The following CHAF1B variants were observed in gnomAD, a reference collection of about 807,000 sequenced individuals.
The protein encoded by CHAF1B is CAF-1 subunit B.
In CHAF1B, 10 loss-of-function variants were observed where a neutral mutation model predicts 60.7. The ratio of observed to expected loss-of-function variants is 0.16; its 90% confidence interval spans 0.10 to 0.28. The LOEUF (loss-of-function observed/expected upper bound fraction) is 0.28, where lower values mean the gene tolerates loss of function less well. CHAF1B is among the 10% of genes least tolerant of loss of function. The probability of loss-of-function intolerance (pLI) is 1.00; values close to 1 mark genes in which losing one functional copy is unlikely to be tolerated. For synonymous variants in CHAF1B, 261 were observed against 266.1 expected, an observed-to-expected ratio of 0.98 and a Z score of 0.19; for missense variants, 558 against 708.4, an observed-to-expected ratio of 0.79 and a Z score of 2.41.
chr21:36,406,497 G>C (rs2086239151), intron 8 of CHAF1B, among the ~76,000 whole-genome samples: 1 of 151,946 alleles, frequency 6.6e-6, no homozygotes, highest in Admixed American at 6.6e-5. Flanking sequence ...TGTTGGCCAG[G>C]GTGGTCTCAA....
At chr21:36,392,365 T>C (rs1440920008) in intron 4 of CHAF1B, among the ~76,000 whole-genome samples, 1 of 152,236 alleles carries the variant, frequency 6.6e-6, no homozygotes, top group Non-Finnish European at 1.5e-5. Context: ...CTCTATCTTT[T>C]CCCCACATTT....
chr21:36,409,441 G>A lies in CHAF1B; in HGVS notation c.895G>A (p.Glu299Lys). ...TGTTCGCTGCTGTCCGGTCTACTTT[G>A]AACTGAGGCCAGTGGTGGAAACAGG... Reference protein sequence around the residue: ...LAVRCCPVYFELRPVVETGVE... With the variant: ...LAVRCCPVYFKLRPVVETGVE... Residue 299 changes from glutamate to lysine, a missense_variant, in exon 10 of 14, where the codon GAA becomes AAA. By Grantham distance (56) the Glu-to-Lys change is moderately conservative. Coordinates refer to ENST00000314103, the MANE Select transcript of CHAF1B (RefSeq NM_005441.3). 6.2e-7 allele frequency: 1 copy of A among 1,613,764 alleles called. No homozygotes were observed. The highest frequency in any genetic ancestry group is 8.5e-7 in the Non-Finnish European group (1 of 1,179,834).
chr21:36,395,294 C>T (rs568071824), intron 5 of CHAF1B, among the ~76,000 whole-genome samples: 5 of 152,024 alleles, frequency 3.3e-5, no homozygotes, highest in African/African-American at 7.3e-5. Flanking sequence ...GTGATCCACC[C>T]GCCTCGGCCT....
chr21:36,409,753 C>A (rs2086263240), intron 10 of CHAF1B, among the ~76,000 whole-genome samples: 1 of 152,000 alleles, frequency 6.6e-6, no homozygotes, highest in African/African-American at 2.4e-5. Flanking sequence ...CTGCCTCGGC[C>A]TCCCAAAATG....
intron 7 of CHAF1B, 102 bp downstream of exon 7, chr21:36,399,707 G>A: frequency 1.1e-6 from 1 of 907,086 alleles, no homozygotes. Context: ...TGGCCACAAA[G>A]AGCCGATTCC....
At chr21:36,404,661 G>A (rs992366368) in intron 8 of CHAF1B, among the ~76,000 whole-genome samples, 14 of 148,332 alleles carry the variant, frequency 9.4e-5, no homozygotes, top group African/African-American at 2.5e-4. Flanking sequence ...CTCGAACTCC[G>A]GACCTCAGGT....
intron 10 of CHAF1B, among the ~76,000 whole-genome samples, chr21:36,409,967 CTTT>C (rs199857685): frequency 3.0e-5 from 4 of 131,268 alleles, no homozygotes; most frequent in African/African-American, 2.8e-5. Context: ...TTTTCTTTTT[CTTT>C]TTTTTTTTTT....
intron 8 of CHAF1B, among the ~76,000 whole-genome samples, chr21:36,403,274 A>G (rs1382968578): frequency 6.6e-6 from 1 of 151,900 alleles, no homozygotes; most frequent in South Asian, 2.1e-4. Flanking sequence ...CCTGGCCAAC[A>G]TGGTGAAACA....
At chr21:36,415,152 TTACTA>T in intron 12 of CHAF1B, 138 bp from the exon 13 acceptor site, 1 of 602,392 alleles carries the variant, frequency 1.7e-6, no homozygotes, top group Non-Finnish European at 3.0e-6. Context: ...TGGGCACATC[TTACTA>T]TTTAATGCCT....
intron 4 of CHAF1B, among the ~76,000 whole-genome samples, chr21:36,392,337 A>G (rs1256708436): frequency 6.6e-6 from 1 of 152,236 alleles, no homozygotes; most frequent in Non-Finnish European, 1.5e-5. Context: ...CTACACAGAC[A>G]CAGCAACAAT....
chr21:36,415,599 G>A (rs575739511), intron 13 of CHAF1B, among the ~76,000 whole-genome samples: 1 of 152,212 alleles, frequency 6.6e-6, no homozygotes, highest in African/African-American at 2.4e-5. Context: ...GCCAGGGAGT[G>A]GGTTCAGCAG....
chr21:36,414,232 C>T (rs2099537621), intron 12 of CHAF1B, among the ~76,000 whole-genome samples: 1 of 152,184 alleles, frequency 6.6e-6, no homozygotes, highest in Non-Finnish European at 1.5e-5. Context: ...GCCTCCCAAC[C>T]TTCCCATAAA....
chr21:36,404,357 C>T (rs1274427747), intron 8 of CHAF1B, among the ~76,000 whole-genome samples: 2 of 149,442 alleles, frequency 1.3e-5, no homozygotes, highest in African/African-American at 4.9e-5. Flanking sequence ...CCTTGGCCTC[C>T]GAAAGTGCTG....
intron 8 of CHAF1B, among the ~76,000 whole-genome samples, chr21:36,403,248 A>G (rs568860365): frequency 6.6e-6 from 1 of 152,086 alleles, no homozygotes; most frequent in South Asian, 2.1e-4. Context: ...ACTTGAGGTC[A>G]AGAGTTCATG....
intron 4 of CHAF1B, among the ~76,000 whole-genome samples, chr21:36,392,734 G>A (rs1316379309): frequency 3.9e-5 from 6 of 152,060 alleles, no homozygotes; most frequent in South Asian, 4.2e-4. Flanking sequence ...CAGACAGGGC[G>A]GCGGGGCAGA....
intron 5 of CHAF1B, among the ~76,000 whole-genome samples, chr21:36,395,147 TTCAAGCGATTC>T (rs373630889): frequency 6.6e-6 from 1 of 152,102 alleles, no homozygotes; most frequent in African/African-American, 2.4e-5. Context: ...ACCTCCCGGG[TTCAAGCGATTC>T]TCCTGCCTCA....
At chr21:36,408,292 G>C (rs1380066082) in intron 8 of CHAF1B, among the ~76,000 whole-genome samples, 2 of 152,140 alleles carry the variant, frequency 1.3e-5, no homozygotes, top group Non-Finnish European at 2.9e-5. Context: ...AGAGGGCAAG[G>C]TCTCCTGGCA....
At chr21:36,410,471 T>A (rs2086269246) in intron 10 of CHAF1B, among the ~76,000 whole-genome samples, 1 of 152,182 alleles carries the variant, frequency 6.6e-6, no homozygotes, top group South Asian at 2.1e-4. Context: ...TTACTTTTTT[T>A]GTTTTTTTCT....
chr21:36,394,597 T>C lies in CHAF1B; in HGVS notation c.428T>C (p.Leu143Ser), dbSNP rs199719028. 6 of 1,613,962 alleles carry C rather than the reference T, an allele frequency of 3.7e-6. No homozygotes were observed. Among genetic ancestry groups the C allele is most frequent in the Non-Finnish European group, 5.1e-6 (6 of 1,179,866 alleles). Residue 143 changes from leucine to serine, a missense_variant, in exon 5 of 14, where the codon TTA (leucine) becomes TCA (serine). Physicochemically the swap from Leu to Ser is moderately radical, Grantham distance 145. This residue lies in a region of CHAF1B where 325 missense variants were observed against 493.5 expected (regional missense o/e 0.66). Coordinates refer to ENST00000314103, the MANE Select transcript of CHAF1B (RefSeq NM_005441.3). ...ATTTGCTGGGCAACTGATGGGAATT[T>C]AATGGCTTCTGCCTCTGTGGATAAC... is the stretch of plus-strand genomic sequence containing the variant. ...YDICWATDGN[L>S]MASASVDNTA...
Sources: allele counts gnomAD v4.1 joint callset (sites outside exome capture counted in the v4.1 genomes callset), GRCh38; gene constraint gnomAD v4.1.1; regional missense constraint gnomAD v4.1.1; transcripts MANE v1.5; gene names NCBI Gene and HGNC (gene_info 2026-07-23, HGNC 2026-07-21).